The following PKD1 variants were observed in gnomAD, a reference collection of about 807,000 sequenced individuals.
PKD1 encodes polycystin 1, transient receptor potential channel interacting.
In PKD1, 81 loss-of-function variants were observed where a neutral mutation model predicts 361.7. That is an observed-to-expected ratio of 0.22 (90% CI 0.19 to 0.27). The LOEUF (loss-of-function observed/expected upper bound fraction) is 0.27, where lower values mean the gene tolerates loss of function less well. Among genes scored for constraint, PKD1 ranks in the 10% least tolerant of loss-of-function variants. PKD1 has a pLI of 1.00. For missense variants in PKD1, 6,399 were observed against 6,118.3 expected (o/e 1.05, Z -1.53); for synonymous variants, 3,615 against 2,818.3 (o/e 1.28, Z -8.95).
chr16:2,103,522 G>C lies in PKD1; in HGVS notation c.8535C>G (p.Ser2845=), dbSNP rs957318061. 3 of 1,606,998 alleles carry C rather than the reference G, an allele frequency of 1.9e-6. No individual in the cohort carries two copies. Among genetic ancestry groups the C allele is most frequent in the Non-Finnish European group, 2.5e-6 (3 of 1,179,720 alleles). The part of the protein sequence containing the change: ...PFGYISNYTV[S]TKVASMAFQT... ...GGAATGCCATCGAGGCCACCTTGGT[G>C]GAGACGGTGTAGTTGCTGATATAGC... Residue 2845 remains serine, a synonymous_variant, in exon 23 of 46, where the codon TCC becomes TCG. Transcript: ENST00000262304.
rs777920683 is a variant in PKD1, at chr16:2,108,771, G to A, written c.6396C>T (p.Phe2132=). 30 of 1,572,282 alleles carry A rather than the reference G, an allele frequency of 1.9e-5. No homozygotes were observed. The highest frequency in any genetic ancestry group is 1.4e-4 in the Admixed American group (8 of 55,634). ...VQVNASNLVS[F]FVAQATVTVQ... is the part of the protein sequence containing the mutation. ...CGGTCACCGTGGCCTGCGCCACGAA[G>A]AAGCTCACCAGGTTGGAGGCGTTCA... The change falls in exon 15 of 46, where the codon TTC becomes TTT. Residue 2132 remains phenylalanine, a synonymous_variant. Coordinates refer to ENST00000262304, the MANE Select transcript of PKD1 (RefSeq NM_001009944.3).
At chr16:2,095,790 G>T (rs963152488) in intron 34 of PKD1, among the ~76,000 whole-genome samples, 1 of 152,220 alleles carries the variant, frequency 6.6e-6, no homozygotes, top group East Asian at 1.9e-4. Context: ...GTGTGGATGC[G>T]GAGTCTGAGC....
chr16:2,126,877 C>T (rs1317857701), intron 1 of PKD1, among the ~76,000 whole-genome samples: 1 of 152,160 alleles, frequency 6.6e-6, no homozygotes, highest in African/African-American at 2.4e-5. Flanking sequence ...CACCCCATAC[C>T]CTAGGGGACC....
intron 1 of PKD1, among the ~76,000 whole-genome samples, chr16:2,125,316 G>T (rs934720551): frequency 6.6e-6 from 1 of 152,200 alleles, no homozygotes; most frequent in Non-Finnish European, 1.5e-5. Flanking sequence ...CACGAGGGGT[G>T]GGGGTGGCAG....
chr16:2,103,508 G>A lies in PKD1; in HGVS notation c.8549C>T (p.Ser2850Leu), dbSNP rs779813643. ...SNYTVSTKVA[S>L]MAFQTQAGAQ... ...GCCGGCCTGTGTCTGGAATGCCATC[G>A]AGGCCACCTTGGTGGAGACGGTGTA... The change falls in exon 23 of 46, where the codon TCG (serine) becomes TTG (leucine). Residue 2850 changes from serine (S) to leucine (L), a missense_variant. Ser to Leu is a moderately radical substitution (Grantham distance 145). Transcript: ENST00000262304. 26 of 1,605,214 alleles carry A rather than the reference G, an allele frequency of 1.6e-5. No individual in the cohort carries two copies. The South Asian group carries it at 2.2e-4, about 14-fold the overall frequency.
rs368283643 is a variant in PKD1, at chr16:2,103,910, G to A, written c.8162-15C>T. The A allele has an allele frequency of 7.2e-6, 11 of 1,521,840 alleles. No homozygotes were observed. Among genetic ancestry groups the A allele is most frequent in the African/African-American group, 1.6e-5 (1 of 62,892 alleles). The allele number at this position is 1,521,840 out of a possible 1,614,324, so 94.3% of individuals were successfully genotyped here. ...GATGAGGTCTCCTGCAGACATGCGT[G>A]AGGTCAGTGCAGAGACAGGGAGGTA... On this transcript the variant is annotated splice_polypyrimidine_tract_variant and intron_variant, in intron 22 of 45. Transcript: ENST00000262304.
rs757471042 is a variant in PKD1, at chr16:2,103,498, G to C, written c.8559C>G (p.Phe2853Leu). 9.4e-6 allele frequency: 15 copies of C among 1,603,858 alleles called. No homozygotes were observed. The Admixed American group carries it at 1.8e-4, about 20-fold the overall frequency. Residue 2853 changes from phenylalanine to leucine, a missense_variant, in exon 23 of 46, where the codon TTC becomes TTG. Physicochemically the swap from Phe to Leu is conservative, Grantham distance 22. Transcript: ENST00000262304. ...GGATCTGGGCGCCGGCCTGTGTCTG[G>C]AATGCCATCGAGGCCACCTTGGTGG... ...TVSTKVASMA[F>L]QTQAGAQIPI... is the part of the protein sequence containing the mutation.
rs1485665373 is a variant in PKD1 at position 2,089,443 on chromosome 16, C to T, written c.*284G>A. 1.2e-5 allele frequency: 6 copies of T among 512,468 alleles called. No individual in the cohort carries two copies. In the Admixed American group the frequency reaches 1.4e-4, roughly 12 times the overall value. 31.7% of individuals were successfully genotyped at this position (512,468 alleles called of 1,614,324 possible). ...AGGGGGTGGGGCCGGGCACAGCCCG[C>T]TGTACCTGAGGACTCGGGGAAATAA... On this transcript the variant is annotated 3_prime_UTR_variant, in exon 46 of 46. Coordinates refer to ENST00000262304, the MANE Select transcript of PKD1 (RefSeq NM_001009944.3).
rs1363525554 is a variant in PKD1 at position 2,104,558 on chromosome 16, C to T, written c.8101G>A (p.Glu2701Lys). The change falls in exon 22 of 46, where the codon GAG becomes AAG. Residue 2701 changes from glutamate to lysine, a missense_variant. Glu to Lys is a moderately conservative substitution (Grantham distance 56). Transcript: ENST00000262304. ...LEAMMLILQA[E>K]TTAGTVTPTA... Reference sequence around the variant, plus strand: ...GGCGTCACGGTGCCCGCGGTGGTCTCTGCCTGCAGGATGAGCATCATGGCC... The same window carrying T: ...GGCGTCACGGTGCCCGCGGTGGTCTTTGCCTGCAGGATGAGCATCATGGCC... The T allele has an allele frequency of 1.3e-6, 2 of 1,599,008 alleles. No homozygotes were observed. Among genetic ancestry groups the T allele is most frequent in the South Asian group, 1.1e-5 (1 of 89,360 alleles).
Position 2,109,549 on chromosome 16 carries a change from C to G in PKD1, c.5618G>C (p.Ser1873Thr). The G allele has an allele frequency of 6.2e-7, 1 of 1,611,474 alleles. No individual in the cohort carries two copies. The highest frequency in any genetic ancestry group is 8.5e-7 in the Non-Finnish European group (1 of 1,179,498). Residue 1873 changes from serine (S) to threonine (T), a missense_variant, in exon 15 of 46, where the codon AGC (serine) becomes ACC (threonine). Coordinates refer to ENST00000262304, the MANE Select transcript of PKD1 (RefSeq NM_001009944.3). Reference protein sequence around the residue: ...SIRLNASNAVSWVSATYNLTA... With the variant: ...SIRLNASNAVTWVSATYNLTA... ...GAGGTTGTACGTGGCTGAGACCCAG[C>G]TGACTGCGTTGGAGGCATTGAGCCG...
Position 2,103,602 on chromosome 16 carries a change from G to A in PKD1, c.8455C>T (p.Leu2819Phe). 2 of 1,610,466 alleles carry A rather than the reference G, an allele frequency of 1.2e-6. No homozygotes were observed. The highest frequency in any genetic ancestry group is 1.7e-6 in the Non-Finnish European group (2 of 1,179,736). ...AAGATGAGCTGCACCACGTCACTGA[G>A]GTTGGCCAGGGCCCCGCTGAAAGCC... ...PEAFSGALAN[L>F]SDVVQLIFLV... is the part of the protein sequence containing the mutation. The change falls in exon 23 of 46, where the codon CTC becomes TTC. Residue 2819 changes from leucine (L) to phenylalanine (F), a missense_variant. Leu to Phe is a conservative substitution (Grantham distance 22, BLOSUM62 0). Transcript: ENST00000262304.
rs1596557006 is a variant in PKD1 at position 2,110,200 on chromosome 16, A to G, written c.4967T>C (p.Val1656Ala). Residue 1656 changes from valine (V) to alanine (A), a missense_variant, in exon 15 of 46, where the codon GTT becomes GCT. Transcript: ENST00000262304. ...GTAGGAGACGTTGGTGCCATCCCTA[A>G]CCACGGCCTGCAGCTGTACCGTGTG... Reference protein sequence around the residue: ...TNHTVQLQAVVRDGTNVSYSW... With the variant: ...TNHTVQLQAVARDGTNVSYSW... 2 of 1,611,566 alleles carry G rather than the reference A, an allele frequency of 1.2e-6. No individual in the cohort carries two copies. The highest frequency in any genetic ancestry group is 4.5e-5 in the East Asian group (2 of 44,878).
intron 1 of PKD1, among the ~76,000 whole-genome samples, chr16:2,133,620 G>C (rs921568806): frequency 5.9e-5 from 9 of 152,112 alleles, no homozygotes; most frequent in Admixed American, 3.9e-4. Context: ...GGGCCAGCCA[G>C]GGCCTTCACA....
intron 34 of PKD1, 29 bp from the exon 35 acceptor site, chr16:2,094,239 T>G: frequency 7.2e-7 from 1 of 1,387,816 alleles, no homozygotes; most frequent in Non-Finnish European, 1.0e-6. Flanking sequence ...TGTGAATTCA[T>G]CCCGGCCTCC....
Position 2,108,480 on chromosome 16 carries a change from G to A in PKD1, c.6687C>T (p.Cys2229=), listed in dbSNP as rs2092417397. The A allele has an allele frequency of 1.9e-6, 3 of 1,610,418 alleles. No homozygotes were observed. Among genetic ancestry groups the A allele is most frequent in the Non-Finnish European group, 1.7e-6 (2 of 1,179,696 alleles). The change falls in exon 15 of 46, where the codon TGC becomes TGT. Residue 2229 remains cysteine, a synonymous_variant. Transcript: ENST00000262304. The part of the protein sequence containing the change: ...PRLALPVGHY[C]FVFVVSFGDT... Reference sequence around the variant, plus strand: ...CCCCAAATGACACGACAAACACAAAGCAGTAGTGCCCCACAGGCAGCGCCA... The same window carrying A: ...CCCCAAATGACACGACAAACACAAAACAGTAGTGCCCCACAGGCAGCGCCA...
In PKD1 at chr16:2,089,373, ACCCT is replaced by A. The variant is rs752234831; in HGVS notation, c.*350_*353del. ...GGCAGGGTGGCGGCGGTGCAGGCTA[ACCCT>A]CCCTGAAGCCAGCAGCCTTAGCAGT... On this transcript the variant is annotated 3_prime_UTR_variant, in exon 46 of 46. Transcript: ENST00000262304. 7 of 393,946 alleles carry A rather than the reference ACCCT, an allele frequency of 1.8e-5. No homozygotes were observed. The highest frequency in any genetic ancestry group is 3.3e-5 in the Non-Finnish European group (7 of 214,600). 24.4% of individuals were successfully genotyped at this position (393,946 alleles called of 1,614,324 possible).
In PKD1 at chr16:2,093,549, G is replaced by A. The variant is rs1409624639; in HGVS notation, c.11011C>T (p.Leu3671=). The A allele has an allele frequency of 1.9e-6, 3 of 1,599,966 alleles. No homozygotes were observed. The Admixed American group carries it at 5.1e-5, about 27-fold the overall frequency. Residue 3671 remains leucine, a synonymous_variant, in exon 37 of 46, where the codon CTG becomes TTG. Transcript: ENST00000262304. ...ARKVKRLHGM[L]RSLLVYMLFL... is the part of the protein sequence containing the mutation. ...CAGGCCGCACCCAGGCTCACCCGCA[G>A]CATGCCATGTAGCCTCTTGACCTTG... is the stretch of plus-strand genomic sequence containing the variant.
rs141132307 is a variant in PKD1 at position 2,090,459 on chromosome 16, G to C, written c.12270C>G (p.Leu4090=). Residue 4090 remains leucine (L), a synonymous_variant, in exon 45 of 46, where the codon CTC becomes CTG. Coordinates refer to ENST00000262304, the MANE Select transcript of PKD1 (RefSeq NM_001009944.3). ...GGGCGCCCCACAGCCGCAGTGCCCA[G>C]AGCCCCACACACAGCAGGGGTGACA... is the stretch of plus-strand genomic sequence containing the variant. The part of the protein sequence containing the change: ...WHLSPLLCVG[L]WALRLWGALR... The C allele has an allele frequency of 3.2e-4, 510 of 1,612,352 alleles. 2 individuals carry two copies. Among genetic ancestry groups the C allele is most frequent in the Middle Eastern group, 1.2e-3 (7 of 6,060 alleles).
rs1200952278 is a variant in PKD1, at chr16:2,118,618, G to T, written c.529+58C>A. ...TCCTGAGCCCTGCCCAGTGTCTGCA[G>T]GGCCCAGGTCCCACCTGGCTGGGAA... On this transcript the variant is annotated intron_variant, in intron 4 of 45. Transcript: ENST00000262304. The surrounding 1 kb of genome is among the most constrained non-coding windows in gnomAD (Gnocchi z 6.0). The T allele has an allele frequency of 2.3e-6, 2 of 871,530 alleles. No homozygotes were observed. The highest frequency in any genetic ancestry group is 5.3e-5 in the East Asian group (2 of 37,958). The allele number at this position is 871,530 out of a possible 1,614,324, so 54.0% of individuals were successfully genotyped here. A position where few individuals can be genotyped will look rare whatever the true frequency, so the allele number is the denominator to read the frequency against.
Sources: gnomAD v4.1 joint callset for allele counts (sites outside exome capture counted in the v4.1 genomes callset) on GRCh38, gnomAD v4.1.1 for gene constraint, Gnocchi (gnomAD v3.1) non-coding constraint, MANE v1.5 for transcripts, NCBI Gene and HGNC (gene_info 2026-07-23, HGNC 2026-07-21) for gene names.